HSD17B12: variants seen among roughly 807,000 people sequenced by gnomAD.
The protein encoded by HSD17B12 is hydroxysteroid 17-beta dehydrogenase 12, also known as very-long-chain 3-oxoacyl-CoA reductase.
HSD17B12 carries 32 observed loss-of-function variants against 39.3 expected under a neutral mutation model. That is an observed-to-expected ratio of 0.81 (90% CI 0.61 to 1.09). The LOEUF (loss-of-function observed/expected upper bound fraction) is 1.09. Ranked by LOEUF, HSD17B12 falls within the 50% of genes least tolerant of loss-of-function variation. The pLI, the probability that HSD17B12 is intolerant of heterozygous loss-of-function variation, is 0.00. For missense variants in HSD17B12, 342 were observed against 382.9 expected, an observed-to-expected ratio of 0.89 and a Z score of 0.89; for synonymous variants, 150 against 146.7, an observed-to-expected ratio of 1.02 and a Z score of -0.16.
At chr11:43,581,485 A>G in the HSD17B12 span, 138 of 501,630 alleles carry the variant, frequency 2.8e-4, no homozygotes, top group South Asian at 1.9e-3. The surrounding 1 kb of genome is among the most constrained non-coding windows in gnomAD (Gnocchi z 4.9). Flanking sequence ...CGGAGGGCGC[A>G]CTCGTCGAGA....
At chr11:43,809,818 CAAAAT>C (rs1445930209) in intron 4 of HSD17B12, among the ~76,000 whole-genome samples, 1 of 152,074 alleles carries the variant, frequency 6.6e-6, no homozygotes, top group Non-Finnish European at 1.5e-5. Context: ...AATTCTGTCT[CAAAAT>C]AAGTAAATAA....
At chr11:43,806,829 A>G (rs376429050) in intron 4 of HSD17B12, among the ~76,000 whole-genome samples, 2 of 152,340 alleles carry the variant, frequency 1.3e-5, no homozygotes. Flanking sequence ...GAATAATTCA[A>G]ATGTTCCTAG....
the HSD17B12 span, among the ~76,000 whole-genome samples, chr11:43,564,168 C>G: frequency 1.3e-5 from 2 of 152,126 alleles, no homozygotes; most frequent in African/African-American, 4.8e-5. Context: ...ATTAGGAGCC[C>G]ATGGGCTGAT....
At chr11:43,707,910 G>A (rs1453907267) in intron 1 of HSD17B12, among the ~76,000 whole-genome samples, 1 of 152,156 alleles carries the variant, frequency 6.6e-6, no homozygotes, top group Non-Finnish European at 1.5e-5. Flanking sequence ...AAAAATTCTG[G>A]AGGCTGGGAA....
rs188754771 is a variant in HSD17B12 at position 43,702,590 on chromosome 11, A to T, written c.160+21603A>T. On this transcript the variant is annotated intron_variant, in intron 1 of 10. Coordinates refer to ENST00000278353, the MANE Select transcript of HSD17B12 (RefSeq NM_016142.3). ...TTCATTAAATGAATATGTGGTTTTT[A>T]TCCTTTATTCTGTTGATATGATGTA... Among the ~76,000 whole-genome samples, 964 of 152,096 alleles carry T rather than the reference A, an allele frequency of 6.3e-3. 8 individuals are homozygous for T. Among genetic ancestry groups the T allele is most frequent in the African/African-American group, 0.022 (918 of 41,470 alleles).
chr11:43,652,329 T>G, the HSD17B12 span, among the ~76,000 whole-genome samples: 106 of 152,218 alleles, frequency 7.0e-4, no homozygotes, highest in Non-Finnish European at 1.0e-3. Context: ...AACTTTTTCC[T>G]CTGGTCTCAC....
At chr11:43,586,249 A>G in the HSD17B12 span, among the ~76,000 whole-genome samples, 1 of 152,208 alleles carries the variant, frequency 6.6e-6, no homozygotes, top group South Asian at 2.1e-4. Context: ...TCTGTTTGCA[A>G]TTAGCATTCT....
At chr11:43,794,547 A>G (rs915447614) in intron 3 of HSD17B12, among the ~76,000 whole-genome samples, 12 of 152,238 alleles carry the variant, frequency 7.9e-5, no homozygotes, top group Admixed American at 7.9e-4. Flanking sequence ...ACAGAAAAAT[A>G]AGATAATAAA....
the HSD17B12 span, among the ~76,000 whole-genome samples, chr11:43,656,074 A>G: frequency 6.6e-6 from 1 of 152,156 alleles, no homozygotes; most frequent in Non-Finnish European, 1.5e-5. Flanking sequence ...TTATTGCCTC[A>G]ATTTCAGAGC....
chr11:43,749,934 A>G (rs1355136795), intron 1 of HSD17B12, among the ~76,000 whole-genome samples: 1 of 152,126 alleles, frequency 6.6e-6, no homozygotes, highest in Non-Finnish European at 1.5e-5. Flanking sequence ...ACATGATTCT[A>G]GTATTCCAGA....
chr11:43,775,252 A>G (rs1033653152), intron 3 of HSD17B12, among the ~76,000 whole-genome samples: 1 of 152,144 alleles, frequency 6.6e-6, no homozygotes, highest in African/African-American at 2.4e-5. Flanking sequence ...TGAACAGCGG[A>G]GTCAATTACA....
At chr11:43,714,894 G>T (rs1484294779) in intron 1 of HSD17B12, among the ~76,000 whole-genome samples, 15 of 152,204 alleles carry the variant, frequency 9.9e-5, no homozygotes, top group South Asian at 4.2e-4. Context: ...CAATTGTGAA[G>T]GGGAGTTCAC....
intron 2 of HSD17B12, among the ~76,000 whole-genome samples, chr11:43,753,082 A>T (rs547136467): frequency 5.9e-5 from 9 of 152,232 alleles, no homozygotes; most frequent in African/African-American, 2.2e-4. Context: ...AGTTTTGTGC[A>T]GATTAGTGCT....
At chr11:43,683,072 G>A (rs1051659611) in intron 1 of HSD17B12, among the ~76,000 whole-genome samples, 2 of 150,300 alleles carry the variant, frequency 1.3e-5, no homozygotes, top group African/African-American at 4.9e-5. Flanking sequence ...GATTACATGT[G>A]TGAGCCACCA....
chr11:43,732,674 GCTGGTCTCGAACTC>G (rs1950280275), intron 1 of HSD17B12, among the ~76,000 whole-genome samples: 1 of 152,118 alleles, frequency 6.6e-6, no homozygotes, highest in East Asian at 1.9e-4. Context: ...TGTTGCCCAG[GCTGGTCTCGAACTC>G]CTGGTCTCAA....
chr11:43,803,300 C>G (rs1233953988), intron 4 of HSD17B12, among the ~76,000 whole-genome samples: 1 of 152,144 alleles, frequency 6.6e-6, no homozygotes, highest in East Asian at 1.9e-4. Flanking sequence ...ACTTTCTTCT[C>G]TCCCGCATCC....
the HSD17B12 span, among the ~76,000 whole-genome samples, chr11:43,576,121 A>T: frequency 1.3e-5 from 2 of 152,182 alleles, no homozygotes; most frequent in Admixed American, 1.3e-4. Context: ...CTAAGAATAC[A>T]ACCACTCCAA....
At chr11:43,829,093 G>A (rs1951280327) in intron 6 of HSD17B12, among the ~76,000 whole-genome samples, 1 of 152,132 alleles carries the variant, frequency 6.6e-6, no homozygotes. Flanking sequence ...AAAAAAAGAT[G>A]TTACATTTTA....
rs546252898 is a variant in HSD17B12 at position 43,732,340 on chromosome 11, C to T, written c.161-18571C>T. Among the ~76,000 whole-genome samples the T allele has an allele frequency of 4.6e-5, 7 of 152,256 alleles. No homozygotes were observed. The East Asian group carries it at 1.2e-3, about 25-fold the overall frequency. On this transcript the variant is annotated intron_variant, in intron 1 of 10. Transcript: ENST00000278353. ...GTCTTGGGTATGTCTTTATCAGCAG[C>T]GTGAGAGTGGACTATACACACTCCA... is the stretch of plus-strand genomic sequence containing the variant.
Sources: gnomAD v4.1 joint callset for allele counts (sites outside exome capture counted in the v4.1 genomes callset) on GRCh38, gnomAD v4.1.1 for gene constraint, Gnocchi (gnomAD v3.1) non-coding constraint, MANE v1.5 for transcripts, NCBI Gene and HGNC (gene_info 2026-07-23, HGNC 2026-07-21) for gene names.